LAMA2: variants seen among roughly 807,000 people sequenced by gnomAD.
LAMA2 encodes laminin subunit alpha-2.
LAMA2 carries 269 observed loss-of-function variants against 364.8 expected under a neutral mutation model. That is an observed-to-expected ratio of 0.74 (90% CI 0.67 to 0.82). The LOEUF is 0.82. LAMA2 is among the 40% of genes least tolerant of loss of function. The pLI, the probability that LAMA2 is intolerant of heterozygous loss-of-function variation, is 0.00. For synonymous variants in LAMA2, 1,379 were observed against 1,370.6 expected (o/e 1.01, Z -0.14); for missense variants, 3,807 against 3,873.2 (o/e 0.98, Z 0.45).
At chr6:129,338,214 G>T (rs1583526947) in intron 29 of LAMA2, among the ~76,000 whole-genome samples, 1 of 151,978 alleles carries the variant, frequency 6.6e-6, no homozygotes. Flanking sequence ...GTTATATTTA[G>T]GTTACATAAA....
At chr6:128,965,314 A>G (rs1384675605) in intron 1 of LAMA2, among the ~76,000 whole-genome samples, 1 of 152,026 alleles carries the variant, frequency 6.6e-6, no homozygotes, top group Non-Finnish European at 1.5e-5. Flanking sequence ...TCTGGGTGCA[A>G]TGATGGCTAT....
chr6:129,029,412 A>T (rs967850610), intron 1 of LAMA2, among the ~76,000 whole-genome samples: 1 of 152,018 alleles, frequency 6.6e-6, no homozygotes, highest in African/African-American at 2.4e-5. Flanking sequence ...AAGCAAACGG[A>T]TTAGGAATAT....
At chr6:129,130,518 A>G (rs1416105803) in intron 4 of LAMA2, among the ~76,000 whole-genome samples, 2 of 152,226 alleles carry the variant, frequency 1.3e-5, no homozygotes, top group African/African-American at 4.8e-5. Flanking sequence ...CACCTTATCA[A>G]ACTGGGAGAT....
At chr6:129,072,944 A>T (rs1353470317) in intron 3 of LAMA2, among the ~76,000 whole-genome samples, 3 of 152,104 alleles carry the variant, frequency 2.0e-5, no homozygotes, top group Non-Finnish European at 4.4e-5. Flanking sequence ...TTTTTTGTTT[A>T]TTTTTTGTTA....
At chr6:129,044,877 T>G (rs1582929975) in intron 1 of LAMA2, among the ~76,000 whole-genome samples, 1 of 152,118 alleles carries the variant, frequency 6.6e-6, no homozygotes, top group Non-Finnish European at 1.5e-5. Flanking sequence ...CTCCTAATGT[T>G]TACATAATCT....
intron 1 of LAMA2, among the ~76,000 whole-genome samples, chr6:128,890,075 G>C (rs114744986): frequency 6.6e-6 from 1 of 152,126 alleles, no homozygotes. Context: ...GCAATGTTAA[G>C]TATGTCTCTG....
In LAMA2 at chr6:128,886,106, T is replaced by C. The variant is rs914934076; in HGVS notation, c.112+2749T>C. Reference sequence around the variant, plus strand: ...TAGCAGTGCAACAGAGGTTTTCTTATACTCAACTATCTTGGTAATGGCTTG... The same window carrying C: ...TAGCAGTGCAACAGAGGTTTTCTTACACTCAACTATCTTGGTAATGGCTTG... On this transcript the variant is annotated intron_variant, in intron 1 of 64. Transcript: ENST00000421865. 3.3e-5 allele frequency among the ~76,000 whole-genome samples: 5 copies of C among 152,330 alleles called. No homozygotes were observed. The South Asian group carries it at 8.3e-4, about 25-fold the overall frequency.
Position 129,190,212 on chromosome 6 carries a change from T to C in LAMA2, c.1475T>C (p.Val492Ala), listed in dbSNP as rs1442239701. The C allele has an allele frequency of 6.2e-7, 1 of 1,613,466 alleles. No homozygotes were observed. Among genetic ancestry groups the C allele is most frequent in the East Asian group, 2.2e-5 (1 of 44,858 alleles). ...ACATCTCTTTATTTGCAGGAAAATGTTGAAGGAGGAGACTGTAGTCGTTGC... is the reference window on the plus strand; with the variant it reads ...ACATCTCTTTATTTGCAGGAAAATGCTGAAGGAGGAGACTGTAGTCGTTGC... ...CFGPCICKEN[V>A]EGGDCSRCKS... The change falls in exon 11 of 65, where the codon GTT (valine) becomes GCT (alanine). Residue 492 changes from valine (V) to alanine (A), a missense_variant. By Grantham distance (64) the Val-to-Ala change is moderately conservative. Transcript: ENST00000421865.
chr6:129,065,691 T>A (rs1392093239), intron 3 of LAMA2, among the ~76,000 whole-genome samples: 1 of 152,144 alleles, frequency 6.6e-6, no homozygotes, highest in Admixed American at 6.5e-5. Context: ...GGTAATAAAT[T>A]TAACCAAGAG....
intron 51 of LAMA2, among the ~76,000 whole-genome samples, chr6:129,465,498 T>G (rs1010182709): frequency 6.6e-6 from 1 of 151,988 alleles, no homozygotes; most frequent in Non-Finnish European, 1.5e-5. Flanking sequence ...TATCATTTTC[T>G]TTTGAAACTG....
chr6:129,007,195 C>G (rs2114687384), intron 1 of LAMA2, among the ~76,000 whole-genome samples: 1 of 152,194 alleles, frequency 6.6e-6, no homozygotes, highest in Non-Finnish European at 1.5e-5. Context: ...CAATGTTTTA[C>G]TTAGATTATA....
intron 1 of LAMA2, among the ~76,000 whole-genome samples, chr6:129,030,842 G>A (rs1786169469): frequency 6.6e-6 from 1 of 151,974 alleles, no homozygotes; most frequent in African/African-American, 2.4e-5. Context: ...CCTATATGAT[G>A]TCAGTGACTC....
chr6:129,386,334 G>A (rs140826007), intron 35 of LAMA2, among the ~76,000 whole-genome samples: 2 of 151,558 alleles, frequency 1.3e-5, no homozygotes, highest in East Asian at 3.9e-4. Context: ...TTATACATAG[G>A]ATCTGGAACT....
chr6:129,411,655 A>T (rs1780545641), intron 40 of LAMA2, among the ~76,000 whole-genome samples: 1 of 151,708 alleles, frequency 6.6e-6, no homozygotes, highest in Non-Finnish European at 1.5e-5. Context: ...CTTTACTCTT[A>T]TGTGACAGAT....
chr6:129,339,931 A>G, intron 29 of LAMA2, among the ~76,000 whole-genome samples: 1 of 151,460 alleles, frequency 6.6e-6, no homozygotes, highest in East Asian at 2.0e-4. Context: ...TGAACCTGGG[A>G]GGCAGAGGTT....
At chr6:129,025,498 T>C (rs1028098489) in intron 1 of LAMA2, among the ~76,000 whole-genome samples, 6 of 152,144 alleles carry the variant, frequency 3.9e-5, no homozygotes, top group Non-Finnish European at 8.8e-5. Flanking sequence ...CTTTAACATA[T>C]CTAGAGGCAA....
intron 32 of LAMA2, among the ~76,000 whole-genome samples, chr6:129,361,931 A>G (rs1777486466): frequency 6.6e-6 from 1 of 151,696 alleles, no homozygotes; most frequent in Admixed American, 6.6e-5. Context: ...CTAGAGGCAC[A>G]TGCCACCACA....
chr6:128,970,626 T>C (rs539578677), intron 1 of LAMA2, among the ~76,000 whole-genome samples: 1 of 152,314 alleles, frequency 6.6e-6, no homozygotes, highest in South Asian at 2.1e-4. Flanking sequence ...CATCAACAAA[T>C]AAATTTGCAT....
intron 4 of LAMA2, among the ~76,000 whole-genome samples, chr6:129,101,397 G>A (rs1260032467): frequency 2.0e-5 from 3 of 152,154 alleles, no homozygotes; most frequent in Non-Finnish European, 4.4e-5. Flanking sequence ...TAGGTTTGCA[G>A]TTATTTTCTT....
Sources: gnomAD v4.1 joint callset for allele counts (sites outside exome capture counted in the v4.1 genomes callset) on GRCh38, gnomAD v4.1.1 for gene constraint, MANE v1.5 for transcripts, NCBI Gene and HGNC (gene_info 2026-07-23, HGNC 2026-07-21) for gene names.